Variants in SSUH2 observed in about 807,000 individuals in gnomAD.
SSUH2 encodes protein SSUH2 homolog.
A neutral mutation model predicts 55.3 loss-of-function variants in SSUH2; 47 were observed. That is an observed-to-expected ratio of 0.85 (90% CI 0.67 to 1.08). The LOEUF (loss-of-function observed/expected upper bound fraction) is 1.08. Ranked by LOEUF, SSUH2 falls within the 50% of genes least tolerant of loss-of-function variation. The pLI is 0.00. For missense variants in SSUH2, 535 were observed against 490.7 expected (o/e 1.09, Z -0.85); for synonymous variants, 212 against 191.5 (o/e 1.11, Z -0.89).
At chr3:8,631,586 T>C (rs1698787962) in intron 5 of SSUH2, among the ~76,000 whole-genome samples, 1 of 151,958 alleles carries the variant, frequency 6.6e-6, no homozygotes, top group Non-Finnish European at 1.5e-5. Context: ...ACCTGAGCGG[T>C]CTGTTAGGGA....
In SSUH2 at chr3:8,629,563, T is replaced by G; in HGVS notation, c.588+101A>C. 5 of 977,170 alleles carry G rather than the reference T, an allele frequency of 5.1e-6. No individual in the cohort carries two copies. In the South Asian group the frequency reaches 7.3e-5, roughly 14 times the overall value. 60.5% of individuals were successfully genotyped at this position (977,170 alleles called of 1,614,324 possible). A position where few individuals can be genotyped will look rare whatever the true frequency, so the allele number is the denominator to read the frequency against. On this transcript the variant is annotated intron_variant, in intron 7 of 11. Transcript: ENST00000544814. ...GGATGACTTGGCTGAGATGACACAG[T>G]TACTGCAGGGAGCCTCAGGCCACCA...
intron 10 of SSUH2, among the ~76,000 whole-genome samples, chr3:8,624,108 A>G (rs1575046946): frequency 6.6e-6 from 1 of 152,114 alleles, no homozygotes; most frequent in South Asian, 2.1e-4. Context: ...CAACCTACAG[A>G]AAGTCCGGGC....
At chr3:8,674,532 A>G (rs1288784737) in intron 3 of SSUH2, among the ~76,000 whole-genome samples, 1 of 152,040 alleles carries the variant, frequency 6.6e-6, no homozygotes, top group Non-Finnish European at 1.5e-5. Flanking sequence ...CGCCCCGGTC[A>G]CCCCCTTATC....
Position 8,640,864 on chromosome 3 carries a change from A to G in SSUH2, c.28+3867T>C, listed in dbSNP as rs185166224. Among the ~76,000 whole-genome samples the G allele has an allele frequency of 4.7e-3, 709 of 152,324 alleles. 6 individuals carry two copies. The highest frequency in any genetic ancestry group is 0.016 in the African/African-American group (678 of 41,580). On this transcript the variant is annotated intron_variant, in intron 1 of 11. Coordinates refer to ENST00000544814, the MANE Select transcript of SSUH2 (RefSeq NM_001256748.3). ...AAGCAAGAATGCAGCAAATATTGCA[A>G]TTTTTGTTTTCAATTATTTGAGATT...
At chr3:8,641,615 C>G (rs778682249) in intron 1 of SSUH2, among the ~76,000 whole-genome samples, 3 of 152,354 alleles carry the variant, frequency 2.0e-5, no homozygotes, top group Non-Finnish European at 4.4e-5. Context: ...ATCCCCCTCC[C>G]GAAGTGTGCA....
At chr3:8,635,038 T>C (rs1191089989) in intron 3 of SSUH2, among the ~76,000 whole-genome samples, 1 of 152,220 alleles carries the variant, frequency 6.6e-6, no homozygotes, top group East Asian at 1.9e-4. Context: ...AAATGTGCAG[T>C]GGACTGGATT....
At chr3:8,621,870 CTT>C (rs1462367217) in intron 11 of SSUH2, among the ~76,000 whole-genome samples, 3 of 152,314 alleles carry the variant, frequency 2.0e-5, no homozygotes, top group African/African-American at 4.8e-5. Flanking sequence ...CAGGACCACT[CTT>C]GTTTCCAGAT....
chr3:8,656,689 T>C (rs1353735555), intron 7 of SSUH2, among the ~76,000 whole-genome samples: 1 of 152,120 alleles, frequency 6.6e-6, no homozygotes, highest in African/African-American at 2.4e-5. Flanking sequence ...GAGTTGAGAA[T>C]TGTTATTAGC....
At chr3:8,635,664 G>A (rs762275897) in intron 2 of SSUH2, 95 bp downstream of exon 2, 73 of 1,206,284 alleles carry the variant, frequency 6.1e-5, no homozygotes, top group Non-Finnish European at 8.0e-5. Context: ...AGGGAAAGGG[G>A]AGCTATCTCA....
chr3:8,666,004 C>T (rs1293249280), intron 5 of SSUH2, among the ~76,000 whole-genome samples: 1 of 152,156 alleles, frequency 6.6e-6, no homozygotes, highest in East Asian at 1.9e-4. Context: ...ACCTTGAAAG[C>T]CCACTTGATT....
At chr3:8,680,195 G>GC (rs1344121597) in intron 1 of SSUH2, among the ~76,000 whole-genome samples, 4 of 152,244 alleles carry the variant, frequency 2.6e-5, no homozygotes, top group Non-Finnish European at 4.4e-5. Context: ...CTAAAGGATG[G>GC]CCCCCCGTTT....
At chr3:8,674,166 CT>C (rs1158297211) in intron 3 of SSUH2, among the ~76,000 whole-genome samples, 3 of 152,250 alleles carry the variant, frequency 2.0e-5, no homozygotes, top group Middle Eastern at 6.8e-3. Context: ...TGGCGAAATG[CT>C]GACCTGTTTG....
chr3:8,674,392 T>C lies in SSUH2; in HGVS notation c.-752-2357A>G, dbSNP rs191320442. On this transcript the variant is annotated intron_variant, in intron 3 of 18. Transcript: ENST00000317371. ...AAGGAGGAAGGGGCCCGGCTCAACC[T>C]GGCAGAAGGGTTATTGGACTGAGGG... Among the ~76,000 whole-genome samples the C allele has an allele frequency of 7.2e-3, 1,093 of 152,288 alleles. 11 individuals carry two copies. The highest frequency in any genetic ancestry group is 0.024 in the African/African-American group (995 of 41,566).
intron 6 of SSUH2, among the ~76,000 whole-genome samples, chr3:8,660,000 T>A (rs1703316220): frequency 6.6e-6 from 1 of 152,054 alleles, no homozygotes; most frequent in Non-Finnish European, 1.5e-5. Flanking sequence ...TCCTCTAGGG[T>A]TTGACCTAAC....
intron 7 of SSUH2, among the ~76,000 whole-genome samples, chr3:8,651,797 C>A (rs901069134): frequency 6.6e-6 from 1 of 152,120 alleles, no homozygotes; most frequent in African/African-American, 2.4e-5. Context: ...TCCCATGGCT[C>A]CACCCTAATT....
At chr3:8,657,845 C>T (rs1158541770) in intron 7 of SSUH2, among the ~76,000 whole-genome samples, 2 of 152,248 alleles carry the variant, frequency 1.3e-5, no homozygotes, top group African/African-American at 4.8e-5. Context: ...GCGCCACCCT[C>T]GCTCTCCAGT....
chr3:8,672,345 C>T (rs1351747280), intron 3 of SSUH2, among the ~76,000 whole-genome samples: 1 of 152,008 alleles, frequency 6.6e-6, no homozygotes, highest in African/African-American at 2.4e-5. Flanking sequence ...CTGCACATTA[C>T]AAAAAATATC....
At chr3:8,679,815 A>AGCCCAGGATCC (rs1705835317) in exon 2 of SSUH2, 2 of 152,738 alleles carry the variant, frequency 1.3e-5, no homozygotes, top group African/African-American at 4.8e-5. Flanking sequence ...GCCCAGGATC[A>AGCCCAGGATCC]GAAAGAAAGC....
chr3:8,672,190 A>G (rs1031503147), intron 3 of SSUH2, among the ~76,000 whole-genome samples: 3 of 151,950 alleles, frequency 2.0e-5, no homozygotes, highest in African/African-American at 7.3e-5. Context: ...TCTCTCCTGG[A>G]TCATGGGAAC....
Sources: gnomAD v4.1 joint callset for allele counts (sites outside exome capture counted in the v4.1 genomes callset) on GRCh38, gnomAD v4.1.1 for gene constraint, MANE v1.5 for transcripts, NCBI Gene and HGNC (gene_info 2026-07-23, HGNC 2026-07-21) for gene names.